PRXL2B: variants seen among roughly 807,000 people sequenced by gnomAD.
PRXL2B encodes prostamide/prostaglandin F synthase.
A neutral mutation model predicts 24.4 loss-of-function variants in PRXL2B; 26 were observed. The observed-to-expected ratio is 1.07, with a 90% CI of 0.78 to 1.48. PRXL2B has a LOEUF of 1.48. PRXL2B is among the 40% of genes most tolerant of loss of function. The pLI, the probability that PRXL2B is intolerant of heterozygous loss-of-function variation, is 0.00. For missense variants in PRXL2B, 269 were observed against 264.8 expected (o/e 1.02, Z -0.11); for synonymous variants, 115 against 118.9 (o/e 0.97, Z 0.21).
In PRXL2B at chr1:2,588,461, C is replaced by CGGGTCA. The variant is rs1001255069; in HGVS notation, c.384+9_384+14dup. The CGGGTCA allele has an allele frequency of 6.8e-6, 11 of 1,613,610 alleles. No individual in the cohort carries two copies. Among genetic ancestry groups the CGGGTCA allele is most frequent in the Admixed American group, 1.7e-5 (1 of 59,996 alleles). On this transcript the variant is annotated intron_variant, in intron 4 of 6. Transcript: ENST00000419916. ...CGTGATGTGGCTGCCAAGGTGTGTG[C>CGGGTCA]GGGTCAAGGGTGTACAGGCCGGGGG...
chr1:2,588,822 T>TA (rs2100907117), intron 5 of PRXL2B, 100 bp from the exon 6 acceptor site: 1 of 1,296,514 alleles, frequency 7.7e-7, no homozygotes, highest in East Asian at 2.3e-5. Context: ...GGGTGGGGGA[T>TA]ATGGCTGGCC....
At position 2,591,280 on chromosome 1, in the gene PRXL2B, C is replaced by T. The variant is rs950274013; in HGVS notation, c.*1853C>T. 2 of 596,428 alleles carry T rather than the reference C, an allele frequency of 3.4e-6. No individual in the cohort carries two copies. The highest frequency in any genetic ancestry group is 2.1e-5 in the South Asian group (1 of 48,304). 36.9% of individuals were successfully genotyped at this position (596,428 alleles called of 1,614,324 possible). A position where few individuals can be genotyped will look rare whatever the true frequency, so the allele number is the denominator to read the frequency against. The stretch of plus-strand genomic sequence containing the variant: ...CATGCCAATCCTGAGAATAACCTCC[C>T]CTCCAGCCAGAGATATTCCAACTCT... On this transcript the variant is annotated 3_prime_UTR_variant, in exon 7 of 7. Transcript: ENST00000419916.
upstream of PRXL2B, chr1:2,586,730 G>A: frequency 1.6e-6 from 2 of 1,240,058 alleles, no homozygotes; most frequent in Non-Finnish European, 2.0e-6. Context: ...CCGAAGGGGC[G>A]GGGCCTCGGC....
chr1:2,586,979 G>A (rs1020742934), intron 1 of PRXL2B, 31 bp downstream of exon 1: 18 of 1,314,668 alleles, frequency 1.4e-5, no homozygotes, highest in Non-Finnish European at 1.6e-5. Flanking sequence ...GGCGGTGGGC[G>A]CGTCCCTGGC....
upstream of PRXL2B, chr1:2,586,740 C>T: frequency 1.6e-6 from 2 of 1,221,600 alleles, no homozygotes; most frequent in Non-Finnish European, 2.0e-6. Flanking sequence ...GGGGCCTCGG[C>T]GGCAGCAAGA....
intron 3 of PRXL2B, 159 bp from the exon 4 acceptor site, chr1:2,588,231 G>A (rs939844067): frequency 5.3e-5 from 48 of 900,672 alleles, no homozygotes; most frequent in Non-Finnish European, 7.9e-5. Context: ...CCGGTGGGCT[G>A]GGCTGGCTAC....
In PRXL2B at chr1:2,587,223, G is replaced by A. The variant is rs1237812057; in HGVS notation, c.196G>A (p.Val66Met). 6.4e-7 allele frequency: 1 copy of A among 1,573,412 alleles called. No individual in the cohort carries two copies. Among genetic ancestry groups the A allele is most frequent in the Admixed American group, 1.8e-5 (1 of 56,206 alleles). ...TGCTGGGCTCCTGGACCAACACGGCGTGCGCCTGGTGGGCGTAGGGCCCGA... is the reference window on the plus strand; with the variant it reads ...TGCTGGGCTCCTGGACCAACACGGCATGCGCCTGGTGGGCGTAGGGCCCGA... ...SLAGLLDQHG[V>M]RLVGVGPEAL... The change falls in exon 2 of 7, where the codon GTG becomes ATG. Residue 66 changes from valine to methionine, a missense_variant. Transcript: ENST00000419916. The surrounding 1 kb of genome is among the most constrained non-coding windows in gnomAD (Gnocchi z 6.1).
Position 2,591,143 on chromosome 1 carries a change from C to A in PRXL2B, c.*1716C>A. On this transcript the variant is annotated 3_prime_UTR_variant, in exon 7 of 7. Coordinates refer to ENST00000419916, the MANE Select transcript of PRXL2B (RefSeq NM_152371.5). Reference sequence around the variant, plus strand: ...GCATTGCCATCTTGGACAAACATGGCCATTTTAAGTTCTCCGTGATTAAAA... The same window carrying A: ...GCATTGCCATCTTGGACAAACATGGACATTTTAAGTTCTCCGTGATTAAAA... The A allele has an allele frequency of 7.7e-7, 1 of 1,291,110 alleles. No individual in the cohort carries two copies. Among genetic ancestry groups the A allele is most frequent in the Non-Finnish European group, 1.1e-6 (1 of 943,226 alleles). 80.0% of individuals were successfully genotyped at this position (1,291,110 alleles called of 1,614,324 possible).
Position 2,588,565 on chromosome 1 carries a change from A to G in PRXL2B, c.400A>G (p.Ile134Val), listed in dbSNP as rs148988402. 3.7e-6 allele frequency: 6 copies of G among 1,614,116 alleles called. No homozygotes were observed. The highest frequency in any genetic ancestry group is 5.1e-6 in the Non-Finnish European group (6 of 1,180,000). The change falls in exon 5 of 7, where the codon ATC (isoleucine) becomes GTC (valine). Residue 134 changes from isoleucine (I) to valine (V), a missense_variant. Coordinates refer to ENST00000419916, the MANE Select transcript of PRXL2B (RefSeq NM_152371.5). ...DVAAKAKAVG[I>V]QGNLSGDLLQ... ...CTCCTGACAGGCCAAGGCTGTTGGC[A>G]TCCAGGGGAACTTGTCTGGGGACCT...
chr1:2,586,747 A>G (rs10752746), upstream of PRXL2B: 1,235,658 of 1,235,894 alleles, frequency 1, 617,711 homozygotes, highest in Middle Eastern at 1. Context: ...CGGCGGCAGC[A>G]AGAAAGGCGG....
chr1:2,586,810 G>GGGATCCAGGAGCGA lies in PRXL2B; in HGVS notation c.-72_-59dup. On this transcript the variant is annotated 5_prime_UTR_variant, in exon 1 of 7. Coordinates refer to ENST00000419916, the MANE Select transcript of PRXL2B (RefSeq NM_152371.5). ...GGGCTGGATCTATGAGCCGGGAGCG[G>GGGATCCAGGAGCGA]GGATCCAGGAGCGAGGAGCCGGGAG... 5 of 1,263,964 alleles carry GGGATCCAGGAGCGA rather than the reference G, an allele frequency of 4.0e-6. No homozygotes were observed. The highest frequency in any genetic ancestry group is 5.0e-6 in the Non-Finnish European group (5 of 1,005,972). The allele number at this position is 1,263,964 out of a possible 1,614,324, so 78.3% of individuals were successfully genotyped here. A position where few individuals can be genotyped will look rare whatever the true frequency, so the allele number is the denominator to read the frequency against.
At chr1:2,589,358 A>G in intron 6 of PRXL2B, 52 bp from the exon 7 acceptor site, 1 of 1,603,964 alleles carries the variant, frequency 6.2e-7, no homozygotes, top group Non-Finnish European at 8.5e-7. Flanking sequence ...CCCTCCAGGC[A>G]TTTGTCTGAT....
At chr1:2,588,351 T>G (rs1199021945) in intron 3 of PRXL2B, 39 bp from the exon 4 acceptor site, 4 of 1,613,972 alleles carry the variant, frequency 2.5e-6, no homozygotes, top group African/African-American at 1.3e-5. Flanking sequence ...GGACCCAGGC[T>G]TCTCCGGAGT....
In PRXL2B at chr1:2,589,406, A is replaced by G. The variant is rs554575486; in HGVS notation, c.580-4A>G. ...GGCCCCATGGGACCCTGCTGTCCCC[A>G]CAGTGTGACAGAGAGGTGTGAGGGA... On this transcript the variant is annotated splice_polypyrimidine_tract_variant and splice_region_variant and intron_variant, in intron 6 of 6. Transcript: ENST00000419916. 2.5e-6 allele frequency: 4 copies of G among 1,613,452 alleles called. No homozygotes were observed. The South Asian group carries it at 4.4e-5, about 18-fold the overall frequency.
chr1:2,589,117 G>T, intron 6 of PRXL2B, 77 bp downstream of exon 6: 2 of 1,406,686 alleles, frequency 1.4e-6, no homozygotes, highest in Non-Finnish European at 9.9e-7. Context: ...ACTCGGCTTG[G>T]CTGGGAGCTG....
Position 2,591,443 on chromosome 1 carries a change from A to C in PRXL2B, c.*2016A>C. On this transcript the variant is annotated 3_prime_UTR_variant, in exon 7 of 7. Coordinates refer to ENST00000419916, the MANE Select transcript of PRXL2B (RefSeq NM_152371.5). ...AGAAGCCCCTCTCAGGTTTATTCCC[A>C]AAATAAACCTGTCTCTGTTGAGCCA... The C allele has an allele frequency of 1.2e-6, 1 of 869,562 alleles. No individual in the cohort carries two copies. The highest frequency in any genetic ancestry group is 1.4e-5 in the South Asian group (1 of 72,262). The allele number at this position is 869,562 out of a possible 1,614,324, so 53.9% of individuals were successfully genotyped here. A position where few individuals can be genotyped will look rare whatever the true frequency, so the allele number is the denominator to read the frequency against.
Position 2,589,468 on chromosome 1 carries a change from C to T in PRXL2B, c.*41C>T, listed in dbSNP as rs762533120. On this transcript the variant is annotated 3_prime_UTR_variant, in exon 7 of 7. Coordinates refer to ENST00000419916, the MANE Select transcript of PRXL2B (RefSeq NM_152371.5). ...TGGCCTCCGAGGATCTGGGTGGCGT[C>T]TGCTGCCCTAGGTGTGCTGGAAGTC... 1.2e-6 allele frequency: 2 copies of T among 1,613,558 alleles called. No individual in the cohort carries two copies. Among genetic ancestry groups the T allele is most frequent in the Non-Finnish European group, 1.7e-6 (2 of 1,179,754 alleles).
chr1:2,586,704 CG>C, upstream of PRXL2B: 1 of 1,197,298 alleles, frequency 8.4e-7, no homozygotes, highest in Non-Finnish European at 1.0e-6. Flanking sequence ...GGGGCGGGCC[CG>C]GGGCGGAGAC....
Position 2,587,381 on chromosome 1 carries a change from C to A in PRXL2B, c.268+86C>A. The A allele has an allele frequency of 1.4e-6, 2 of 1,442,702 alleles. No homozygotes were observed. Among genetic ancestry groups the A allele is most frequent in the Non-Finnish European group, 1.9e-6 (2 of 1,069,234 alleles). 89.4% of individuals were successfully genotyped at this position (1,442,702 alleles called of 1,614,324 possible). A position where few individuals can be genotyped will look rare whatever the true frequency, so the allele number is the denominator to read the frequency against. On this transcript the variant is annotated intron_variant, in intron 2 of 6. Coordinates refer to ENST00000419916, the MANE Select transcript of PRXL2B (RefSeq NM_152371.5). This position sits in a 1 kb window ranked among gnomAD's most constrained non-coding sequence, Gnocchi z 6.1. ...GGCCCTTTCCTGCCCAACCCCGGCC[C>A]TTCTGTCTGCTGGAGCGGCCTTGAT...
Sources: allele counts gnomAD v4.1 joint callset, GRCh38; gene constraint gnomAD v4.1.1; non-coding constraint Gnocchi (gnomAD v3.1); transcripts MANE v1.5; gene names NCBI Gene and HGNC (gene_info 2026-07-23, HGNC 2026-07-21).